The following HSP90AA1 variants were observed in gnomAD, a reference collection of about 807,000 sequenced individuals.
HSP90AA1 encodes heat shock protein HSP 90-alpha.
In HSP90AA1, 18 loss-of-function variants were observed where a neutral mutation model predicts 73.3. The observed-to-expected ratio is 0.25, with a 90% CI of 0.17 to 0.36. The LOEUF (loss-of-function observed/expected upper bound fraction) is 0.36. Ranked by LOEUF, HSP90AA1 falls within the 10% of genes least tolerant of loss-of-function variation. The pLI is 1.00. For synonymous variants in HSP90AA1, 477 were observed against 296.9 expected, an observed-to-expected ratio of 1.61 and a Z score of -6.24; for missense variants, 704 against 874.2, an observed-to-expected ratio of 0.81 and a Z score of 2.45.
Position 102,084,663 on chromosome 14 carries a change from C to G in HSP90AA1, c.981+18G>C, listed in dbSNP as rs758205557. The stretch of plus-strand genomic sequence containing the variant: ...TGATAATCTAAGGACAAGCTTGAAG[C>G]ACCCATCAGTCACTCACCTTCACTG... On this transcript the variant is annotated intron_variant, in intron 5 of 10. Coordinates refer to ENST00000216281, the MANE Select transcript of HSP90AA1 (RefSeq NM_005348.4). 1 of 1,613,834 alleles carries G rather than the reference C, an allele frequency of 6.2e-7. No individual in the cohort carries two copies. Among genetic ancestry groups the G allele is most frequent in the South Asian group, 1.1e-5 (1 of 91,076 alleles).
intron 1 of HSP90AA1, among the ~76,000 whole-genome samples, chr14:102,117,737 A>G (rs1330828495): frequency 2.0e-5 from 3 of 152,176 alleles, no homozygotes; most frequent in Non-Finnish European, 2.9e-5. Context: ...ACTGTAACAC[A>G]AACAGGGTTA....
chr14:102,101,307 C>G (rs563289579), intron 2 of HSP90AA1, among the ~76,000 whole-genome samples: 28 of 152,316 alleles, frequency 1.8e-4, no homozygotes, highest in African/African-American at 6.7e-4. Context: ...CTGAGTGTGA[C>G]TGTTCCTCCA....
At chr14:102,136,405 A>C (rs2049995027) in intron 1 of HSP90AA1, among the ~76,000 whole-genome samples, 1 of 151,142 alleles carries the variant, frequency 6.6e-6, no homozygotes, top group Non-Finnish European at 1.5e-5. Flanking sequence ...CGTCTCTGCT[A>C]AAAATACAAA....
At chr14:102,104,714 C>A (rs1272603717) in intron 1 of HSP90AA1, among the ~76,000 whole-genome samples, 1 of 152,152 alleles carries the variant, frequency 6.6e-6, no homozygotes, top group South Asian at 2.1e-4. Context: ...TATTTTTATA[C>A]CCATTAACCA....
At chr14:102,098,459 C>CTT (rs55683551) in intron 2 of HSP90AA1, among the ~76,000 whole-genome samples, 202 of 75,446 alleles carry the variant, frequency 2.7e-3, no homozygotes, top group African/African-American at 5.7e-3. Context: ...TGCACCTGGC[C>CTT]TTTTTTTTTT....
At chr14:102,097,379 G>C (rs1358793527) in intron 2 of HSP90AA1, among the ~76,000 whole-genome samples, 1 of 151,478 alleles carries the variant, frequency 6.6e-6, no homozygotes, top group Non-Finnish European at 1.5e-5. Flanking sequence ...GAGAGAGCCA[G>C]GGATTGTGGA....
In HSP90AA1 at chr14:102,085,948, A is replaced by G; in HGVS notation, c.339T>C (p.Ser113=). ...LINNLGTIAK[S]GTKAFMEALQ... is the part of the protein sequence containing the mutation. ...AAGCTTCCATGAACGCTTTGGTCCC[A>G]GACTTGGCGATAGTACCAAGGTTAT... Residue 113 remains serine (S), a synonymous_variant, in exon 3 of 11, where the codon TCT becomes TCC. Coordinates refer to ENST00000216281, the MANE Select transcript of HSP90AA1 (RefSeq NM_005348.4). The G allele has an allele frequency of 6.2e-7, 1 of 1,613,988 alleles. No individual in the cohort carries two copies. Among genetic ancestry groups the G allele is most frequent in the Non-Finnish European group, 8.5e-7 (1 of 1,179,854 alleles).
chr14:102,082,489 C>T (rs1333853364), intron 9 of HSP90AA1, 45 bp from the exon 10 acceptor site: 1 of 1,460,908 alleles, frequency 6.8e-7, no homozygotes, highest in Admixed American at 1.8e-5. Context: ...AGATTAATTC[C>T]TAAACTTTCA....
chr14:102,088,847 G>A (rs1231358751), upstream of HSP90AA1, among the ~76,000 whole-genome samples: 3 of 152,058 alleles, frequency 2.0e-5, no homozygotes, highest in Non-Finnish European at 2.9e-5. Flanking sequence ...ATTGCCCAGG[G>A]GGTTTGAGAT....
At chr14:102,085,131 T>A in intron 4 of HSP90AA1, 133 bp from the exon 5 acceptor site, 1 of 1,509,686 alleles carries the variant, frequency 6.6e-7, no homozygotes, top group Non-Finnish European at 9.2e-7. Flanking sequence ...TCATCAATAT[T>A]TGATACATCC....
chr14:102,127,140 T>C (rs997131434), intron 1 of HSP90AA1, among the ~76,000 whole-genome samples: 1 of 152,134 alleles, frequency 6.6e-6, no homozygotes, highest in African/African-American at 2.4e-5. Context: ...TATAGCATAC[T>C]AGCTCTTTAA....
intron 4 of HSP90AA1, 63 bp downstream of exon 4, chr14:102,085,235 G>A (rs1034147184): frequency 5.9e-6 from 9 of 1,536,944 alleles, no homozygotes; most frequent in South Asian, 1.1e-5. Flanking sequence ...GACTAAGGAT[G>A]TAGTACAGTC....
intron 1 of HSP90AA1, among the ~76,000 whole-genome samples, chr14:102,117,063 G>T (rs1427631399): frequency 6.6e-6 from 1 of 152,206 alleles, no homozygotes; most frequent in Non-Finnish European, 1.5e-5. Context: ...GGCTGGGTGT[G>T]CACCCGCTCA....
chr14:102,134,385 T>C (rs2049952938), intron 1 of HSP90AA1, among the ~76,000 whole-genome samples: 2 of 149,640 alleles, frequency 1.3e-5, no homozygotes, highest in Non-Finnish European at 3.0e-5. Flanking sequence ...GGAGAATTTA[T>C]GCAGTAGGTA....
intron 1 of HSP90AA1, 43 bp from the exon 2 acceptor site, chr14:102,086,421 A>G (rs1197342300): frequency 6.2e-7 from 1 of 1,608,622 alleles, no homozygotes; most frequent in Non-Finnish European, 8.5e-7. Flanking sequence ...CAGGACGTCT[A>G]CAGAGGCAAC....
chr14:102,088,773 TCA>T (rs529602672), upstream of HSP90AA1, among the ~76,000 whole-genome samples: 97 of 152,298 alleles, frequency 6.4e-4, no homozygotes, highest in Middle Eastern at 3.4e-3. Context: ...TTCCTTCCTG[TCA>T]CCACCAGCCA....
At chr14:102,100,513 C>T (rs2049479626) in intron 2 of HSP90AA1, among the ~76,000 whole-genome samples, 7 of 152,040 alleles carry the variant, frequency 4.6e-5, no homozygotes. Context: ...ACAACCTCCG[C>T]CTCCCGGGTT....
intron 1 of HSP90AA1, among the ~76,000 whole-genome samples, chr14:102,119,273 G>A (rs2049744862): frequency 6.6e-6 from 1 of 152,074 alleles, no homozygotes; most frequent in African/African-American, 2.4e-5. Flanking sequence ...GACTAACTTA[G>A]GAAGAACACC....
At chr14:102,114,656 T>C (rs993066921) in intron 1 of HSP90AA1, among the ~76,000 whole-genome samples, 6 of 152,120 alleles carry the variant, frequency 3.9e-5, no homozygotes, top group Non-Finnish European at 7.4e-5. Flanking sequence ...GTAATCCCCA[T>C]TTTCAAGAGA....
Sources: allele counts gnomAD v4.1 joint callset (sites outside exome capture counted in the v4.1 genomes callset), GRCh38; gene constraint gnomAD v4.1.1; transcripts MANE v1.5; gene names NCBI Gene and HGNC (gene_info 2026-07-23, HGNC 2026-07-21).